The following CLXN variants were observed in gnomAD, a reference collection of about 807,000 sequenced individuals.
CLXN encodes calaxin, also known as EF-hand calcium binding domain 1.
At chr8:48,720,308 G>T in the CLXN span, among the ~76,000 whole-genome samples, 2 of 152,156 alleles carry the variant, frequency 1.3e-5, no homozygotes, top group African/African-American at 4.8e-5. Flanking sequence ...TTTTCTTCTT[G>T]CAGACAGCCT....
the CLXN span, among the ~76,000 whole-genome samples, chr8:48,722,324 T>C: frequency 6.6e-6 from 1 of 152,180 alleles, no homozygotes; most frequent in Admixed American, 6.5e-5. Context: ...TGTAAATTAC[T>C]GGTGGGAATG....
chr8:48,723,524 C>G, the CLXN span: 1 of 152,144 alleles, frequency 6.6e-6, no homozygotes. Context: ...TTTACTATCC[C>G]AACTAGCCTC....
the CLXN span, among the ~76,000 whole-genome samples, chr8:48,726,671 GCATC>G: frequency 1.7e-5 from 1 of 57,680 alleles, no homozygotes; most frequent in South Asian, 6.8e-4. Context: ...ATCCATCCAT[GCATC>G]CATCCATCCA....
the CLXN span, among the ~76,000 whole-genome samples, chr8:48,713,026 A>T: frequency 2.6e-5 from 4 of 151,898 alleles, no homozygotes; most frequent in African/African-American, 4.8e-5. Flanking sequence ...AAAAGAAAAA[A>T]ACTGAGCAAG....
the CLXN span, among the ~76,000 whole-genome samples, chr8:48,718,879 A>C: frequency 8.5e-5 from 13 of 152,182 alleles, no homozygotes; most frequent in South Asian, 2.7e-3. Flanking sequence ...AAACCTAACT[A>C]TACACCTCAA....
the CLXN span, chr8:48,711,835 G>A: frequency 6.6e-6 from 1 of 152,174 alleles, no homozygotes; most frequent in African/African-American, 2.4e-5. Context: ...GGACGTTCCT[G>A]ATTTTCCAAA....
the CLXN span, chr8:48,735,159 G>A: frequency 1.2e-6 from 2 of 1,613,976 alleles, no homozygotes; most frequent in African/African-American, 2.7e-5. Flanking sequence ...CATGTCTGGC[G>A]CTCAGAGAAT....
At chr8:48,735,003 G>A in the CLXN span, 2 of 1,459,126 alleles carry the variant, frequency 1.4e-6, no homozygotes, top group Non-Finnish European at 1.9e-6. Flanking sequence ...CCAGCAGGCG[G>A]GAAGCAGGCA....
At chr8:48,728,849 G>A in the CLXN span, among the ~76,000 whole-genome samples, 8 of 152,276 alleles carry the variant, frequency 5.3e-5, 1 homozygote, top group African/African-American at 1.9e-4. Context: ...ATGAGTTAAT[G>A]AATGAAACAC....
At chr8:48,724,671 A>C in the CLXN span, 1 of 1,257,292 alleles carries the variant, frequency 8.0e-7, no homozygotes, top group African/African-American at 1.5e-5. Context: ...TTCTGAACTA[A>C]GTAGAAAAAA....
the CLXN span, among the ~76,000 whole-genome samples, chr8:48,730,885 A>G: frequency 6.6e-6 from 1 of 152,176 alleles, no homozygotes; most frequent in South Asian, 2.1e-4. Context: ...AAGTATATTA[A>G]TCATTATTTA....
the CLXN span, among the ~76,000 whole-genome samples, chr8:48,722,368 G>C: frequency 2.0e-5 from 3 of 152,176 alleles, no homozygotes; most frequent in Non-Finnish European, 4.4e-5. Flanking sequence ...AAGCAGTATA[G>C]AGACTCTTCA....
the CLXN span, among the ~76,000 whole-genome samples, chr8:48,717,133 C>A: frequency 6.6e-6 from 1 of 152,090 alleles, no homozygotes; most frequent in South Asian, 2.1e-4. Context: ...CCATTGCACT[C>A]CAGCTTGGGC....
At chr8:48,725,165 G>C in the CLXN span, among the ~76,000 whole-genome samples, 1 of 152,146 alleles carries the variant, frequency 6.6e-6, no homozygotes, top group Non-Finnish European at 1.5e-5. Flanking sequence ...CCGGGCCTTG[G>C]TTGGGAACGA....
At chr8:48,719,096 T>C in the CLXN span, among the ~76,000 whole-genome samples, 1 of 150,560 alleles carries the variant, frequency 6.6e-6, no homozygotes, top group Admixed American at 6.6e-5. Context: ...AGAGGAGCCA[T>C]TACAATGGAT....
chr8:48,724,818 T>A, the CLXN span: 1 of 1,607,194 alleles, frequency 6.2e-7, no homozygotes, highest in South Asian at 1.1e-5. Flanking sequence ...AAAAAGGTAC[T>A]CAATTTAGTA....
the CLXN span, chr8:48,716,415 G>C: frequency 6.6e-6 from 1 of 152,482 alleles, no homozygotes; most frequent in African/African-American, 2.4e-5. Context: ...GCCTAGGCCT[G>C]CCCAGAGAGG....
the CLXN span, among the ~76,000 whole-genome samples, chr8:48,718,033 G>C: frequency 2.6e-5 from 4 of 152,120 alleles, no homozygotes; most frequent in Non-Finnish European, 5.9e-5. Flanking sequence ...CAACCAAAAG[G>C]CATAGAGTGG....
chr8:48,731,354 C>A, the CLXN span: 2 of 1,610,456 alleles, frequency 1.2e-6, no homozygotes, highest in Non-Finnish European at 1.7e-6. Flanking sequence ...TTACCTCTGT[C>A]CATAATCATG....
Sources: gnomAD v4.1 joint callset for allele counts (sites outside exome capture counted in the v4.1 genomes callset) on GRCh38, gnomAD v4.1.1 for gene constraint, MANE v1.5 for transcripts, NCBI Gene and HGNC (gene_info 2026-07-23, HGNC 2026-07-21) for gene names.